Variants in MAST3 observed in about 807,000 individuals in gnomAD.
MAST3 encodes microtubule-associated serine/threonine-protein kinase 3.
In MAST3, 43 loss-of-function variants were observed where a neutral mutation model predicts 127.0. That is an observed-to-expected ratio of 0.34 (90% CI 0.27 to 0.44). The LOEUF (loss-of-function observed/expected upper bound fraction) is 0.44. Among genes scored for constraint, MAST3 ranks in the 20% least tolerant of loss-of-function variants. The pLI, the probability that MAST3 is intolerant of heterozygous loss-of-function variation, is 1.00. For synonymous variants in MAST3, 785 were observed against 809.2 expected, an observed-to-expected ratio of 0.97 and a Z score of 0.51; for missense variants, 1,390 against 1,919.1, an observed-to-expected ratio of 0.72 and a Z score of 5.15.
chr19:18,123,019 G>C (rs1361642209), intron 6 of MAST3, among the ~76,000 whole-genome samples, 198 bp from the exon 7 acceptor site: 2 of 152,320 alleles, frequency 1.3e-5, no homozygotes, highest in South Asian at 4.1e-4. Flanking sequence ...GGCTGCCCAG[G>C]GGTACAGGCA....
rs1436790279 is a variant in MAST3, at chr19:18,147,446, G to T, written c.3330G>T (p.Arg1110=). 6 of 1,613,252 alleles carry T rather than the reference G, an allele frequency of 3.7e-6. No homozygotes were observed. In the South Asian group the frequency reaches 6.6e-5, roughly 18 times the overall value. ...RCAAVTTRER[R]KSLFKKISKQ... ...GCCTCCGGTTTTCTTACCCCAGGCGGAAGTCACTTTTCAAGAAGATCTCCA... is the reference window on the plus strand; with the variant it reads ...GCCTCCGGTTTTCTTACCCCAGGCGTAAGTCACTTTTCAAGAAGATCTCCA... The change falls in exon 27 of 28, where the codon CGG becomes CGT. Residue 1110 remains arginine (R), a synonymous_variant. Transcript: ENST00000687212.
intron 11 of MAST3, 48 bp from the exon 12 acceptor site, chr19:18,128,352 A>G (rs1215051391): frequency 1.1e-5 from 16 of 1,467,216 alleles, no homozygotes; most frequent in African/African-American, 1.4e-5. Flanking sequence ...TGGGTGATGC[A>G]GGGTGAGGCA....
At chr19:18,126,277 T>A (rs1485154820) in intron 11 of MAST3, among the ~76,000 whole-genome samples, 1 of 151,910 alleles carries the variant, frequency 6.6e-6, no homozygotes, top group Non-Finnish European at 1.5e-5. Flanking sequence ...AACTGAAAGC[T>A]GGAGCATTGA....
At chr19:18,133,282 T>G (rs2041519531) in intron 15 of MAST3, among the ~76,000 whole-genome samples, 1 of 152,180 alleles carries the variant, frequency 6.6e-6, no homozygotes, top group Non-Finnish European at 1.5e-5. Flanking sequence ...ATTTTCTTGG[T>G]TGGCATGTAC....
chr19:18,124,185 G>C, intron 9 of MAST3, 37 bp downstream of exon 9: 1 of 1,594,312 alleles, frequency 6.3e-7, no homozygotes, highest in African/African-American at 1.3e-5. Flanking sequence ...TTTGCATGCA[G>C]TGGGACGTGG....
chr19:18,102,654 G>A (rs952703420), intron 1 of MAST3, among the ~76,000 whole-genome samples: 3 of 152,000 alleles, frequency 2.0e-5, no homozygotes, highest in Non-Finnish European at 4.4e-5. Context: ...GCTAATTTTT[G>A]TATTTTAAGT....
intron 19 of MAST3, among the ~76,000 whole-genome samples, chr19:18,138,560 C>T (rs1305231735): frequency 1.3e-5 from 2 of 152,104 alleles, no homozygotes; most frequent in Admixed American, 1.3e-4. Flanking sequence ...TGCAGTGGTG[C>T]GATTTCGACT....
At chr19:18,118,502 A>T (rs2039577301) in intron 3 of MAST3, among the ~76,000 whole-genome samples, 1 of 152,034 alleles carries the variant, frequency 6.6e-6, no homozygotes, top group African/African-American at 2.4e-5. Context: ...GACAGGAGTG[A>T]GTTGAGATTG....
In MAST3 at chr19:18,122,618, C is replaced by G. The variant is rs2040133044; in HGVS notation, c.321-55C>G. On this transcript the variant is annotated intron_variant, in intron 5 of 27. Coordinates refer to ENST00000687212, the MANE Select transcript of MAST3 (RefSeq NM_001393504.1). ...TGGCCACAGTGTCTGTTCTTAGTCC[C>G]CACAAACCACAGGGGCCAGGCCTTC... The G allele has an allele frequency of 3.4e-6, 5 of 1,490,878 alleles. No individual in the cohort carries two copies. In the African/African-American group the frequency reaches 4.1e-5, roughly 12 times the overall value. The allele number at this position is 1,490,878 out of a possible 1,614,324, so 92.4% of individuals were successfully genotyped here.
intron 1 of MAST3, among the ~76,000 whole-genome samples, chr19:18,104,466 C>G (rs2037905966): frequency 6.6e-6 from 1 of 152,158 alleles, no homozygotes; most frequent in Non-Finnish European, 1.5e-5. Flanking sequence ...CCTTCCCCGC[C>G]TCTCCCGGGA....
chr19:18,102,607 G>A (rs577193070), intron 1 of MAST3, among the ~76,000 whole-genome samples: 3 of 151,024 alleles, frequency 2.0e-5, no homozygotes, highest in South Asian at 2.1e-4. Context: ...TCGGCCTACC[G>A]AGTAGCTGGG....
chr19:18,142,561 A>G (rs919805563), intron 21 of MAST3, among the ~76,000 whole-genome samples: 1 of 151,444 alleles, frequency 6.6e-6, no homozygotes, highest in Admixed American at 6.6e-5. Context: ...CATGTTAGCC[A>G]GGATGGTCTC....
At chr19:18,135,056 T>A in intron 17 of MAST3, 74 bp downstream of exon 17, 1 of 1,496,612 alleles carries the variant, frequency 6.7e-7, no homozygotes, top group Non-Finnish European at 9.0e-7. Context: ...TCCACCCGCA[T>A]GTCAGGGAGA....
At chr19:18,130,362 G>A (rs536254226) in intron 13 of MAST3, 132 bp from the exon 14 acceptor site, 2 of 763,260 alleles carry the variant, frequency 2.6e-6, no homozygotes, top group South Asian at 1.7e-5. Context: ...CAGGTAAGGA[G>A]AATGGGTGGC....
Position 18,123,301 on chromosome 19 carries a change from C to A in MAST3, c.484C>A (p.Arg162Ser), listed in dbSNP as rs765332712. 2.5e-6 allele frequency: 4 copies of A among 1,613,888 alleles called. No individual in the cohort carries two copies. In the East Asian group the frequency reaches 8.9e-5, roughly 36 times the overall value. Residue 162 changes from arginine to serine, a missense_variant, in exon 7 of 28, where the codon CGC becomes AGC. This residue lies in a region of MAST3 where 277 missense variants were observed against 384.8 expected (regional missense o/e 0.72). Coordinates refer to ENST00000687212, the MANE Select transcript of MAST3 (RefSeq NM_001393504.1). ...GCTGCACTTCCTGTCCAAGCACTTC[C>A]GCAGCTCAGAGAATGTGCTTGATGA... ...DELHFLSKHFRSSENVLDEEG... is the reference protein window; with the variant it reads ...DELHFLSKHFSSSENVLDEEG...
In MAST3 at chr19:18,124,007, G is replaced by T. The variant is rs781362233; in HGVS notation, c.702G>T (p.Ala234=). 5.6e-6 allele frequency: 9 copies of T among 1,596,368 alleles called. No homozygotes were observed. The South Asian group carries it at 9.1e-5, about 16-fold the overall frequency. The change falls in exon 9 of 28, where the codon GCG becomes GCT. Residue 234 remains alanine (A), a synonymous_variant. Coordinates refer to ENST00000687212, the MANE Select transcript of MAST3 (RefSeq NM_001393504.1). ...CCTACGCGCCCGGCGCCCGGCTGGC[G>T]CTGGCTGATGGCGTCTTGGGCTTCA... The part of the protein sequence containing the change: ...LTAYAPGARL[A]LADGVLGFIH...
At chr19:18,116,712 C>T (rs1194466478) in intron 3 of MAST3, among the ~76,000 whole-genome samples, 2 of 131,080 alleles carry the variant, frequency 1.5e-5, no homozygotes, top group East Asian at 2.7e-4. Context: ...GAGTTTGAGA[C>T]GAGCCTGGCC....
In MAST3 at chr19:18,130,482, C is replaced by T. The variant is rs1310055476; in HGVS notation, c.1224-12C>T. 6.3e-7 allele frequency: 1 copy of T among 1,583,316 alleles called. No individual in the cohort carries two copies. The highest frequency in any genetic ancestry group is 8.6e-7 in the Non-Finnish European group (1 of 1,164,498). On this transcript the variant is annotated splice_polypyrimidine_tract_variant and intron_variant, in intron 13 of 27. Transcript: ENST00000687212. ...ATCTCCGGTCCCAGCAAGCCTGGCC[C>T]TCTGTCCCCAGGGCCGTCTACCTGG... is the stretch of plus-strand genomic sequence containing the variant.
Position 18,143,743 on chromosome 19 carries a change from C to T in MAST3, c.2340-20C>T, listed in dbSNP as rs764960655. 1.2e-6 allele frequency: 2 copies of T among 1,612,484 alleles called. No individual in the cohort carries two copies. Among genetic ancestry groups the T allele is most frequent in the South Asian group, 2.2e-5 (2 of 90,822 alleles). On this transcript the variant is annotated intron_variant, in intron 21 of 27. Coordinates refer to ENST00000687212, the MANE Select transcript of MAST3 (RefSeq NM_001393504.1). Reference sequence around the variant, plus strand: ...GTGCAGGTGCCTGGCAGGGGTGATGCAGGCTCTTCCTCCCTGCAGGCTGAG... The same window carrying T: ...GTGCAGGTGCCTGGCAGGGGTGATGTAGGCTCTTCCTCCCTGCAGGCTGAG...
Sources: allele counts gnomAD v4.1 joint callset (sites outside exome capture counted in the v4.1 genomes callset), GRCh38; gene constraint gnomAD v4.1.1; regional missense constraint gnomAD v4.1.1; transcripts MANE v1.5; gene names NCBI Gene and HGNC (gene_info 2026-07-23, HGNC 2026-07-21).